The following ARHGEF10L variants were observed in gnomAD, a reference collection of about 807,000 sequenced individuals.
ARHGEF10L encodes the protein Rho guanine nucleotide exchange factor 10 like.
ARHGEF10L carries 69 observed loss-of-function variants against 141.2 expected under a neutral mutation model. The observed-to-expected ratio is 0.49, with a 90% confidence interval of 0.40 to 0.60. The LOEUF is 0.60. Ranked by LOEUF, ARHGEF10L falls within the 20% of genes least tolerant of loss-of-function variation. The pLI is 0.00. For synonymous variants in ARHGEF10L, 711 were observed against 718.5 expected (o/e 0.99, Z 0.17); for missense variants, 1,482 against 1,734.3 (o/e 0.85, Z 2.58).
At chr1:17,592,149 C>T (rs186219147) in intron 4 of ARHGEF10L, among the ~76,000 whole-genome samples, 83 of 152,302 alleles carry the variant, frequency 5.4e-4, no homozygotes, top group South Asian at 8.3e-4. Context: ...GCCTGGGAAA[C>T]GTGAGCGCCA....
intron 26 of ARHGEF10L, among the ~76,000 whole-genome samples, chr1:17,676,581 CTGGGGACGCTTTCTGGG>C (rs1219266408): frequency 6.6e-6 from 1 of 151,996 alleles, no homozygotes; most frequent in African/African-American, 2.4e-5. Flanking sequence ...CAGCCAGTGC[CTGGGGACGCTTTCTGGG>C]CCTCATGCTG....
chr1:17,546,466 G>A (rs562930442), intron 1 of ARHGEF10L, among the ~76,000 whole-genome samples: 16 of 152,190 alleles, frequency 1.1e-4, no homozygotes, highest in African/African-American at 3.6e-4. Flanking sequence ...CTGCAAGTAC[G>A]TCCTATTTTC....
chr1:17,691,519 A>G (rs552346476), intron 27 of ARHGEF10L, among the ~76,000 whole-genome samples: 15 of 152,224 alleles, frequency 9.9e-5, no homozygotes, highest in African/African-American at 3.6e-4. Flanking sequence ...TGTGGAATGA[A>G]AAATTCACCA....
chr1:17,636,713 A>G (rs2061023840), intron 18 of ARHGEF10L, among the ~76,000 whole-genome samples: 2 of 152,118 alleles, frequency 1.3e-5, no homozygotes, highest in African/African-American at 4.8e-5. Flanking sequence ...GCCATAGTCC[A>G]TGGAAGCCTT....
rs114333642 is a variant in ARHGEF10L, at chr1:17,632,461, C to T, written c.1725C>T (p.Asn575=). ...LNDMLVCANI[N]FKPANHRGQL... is the part of the protein sequence containing the mutation. Reference sequence around the variant, plus strand: ...ACATGCTTGTCTGTGCCAACATCAACTTCAAGTAAGTGGGCCTGGGTTGGA... The same window carrying T: ...ACATGCTTGTCTGTGCCAACATCAATTTCAAGTAAGTGGGCCTGGGTTGGA... Residue 575 remains asparagine, a synonymous_variant, in exon 16 of 29, where the codon AAC becomes AAT. Coordinates refer to ENST00000361221, the MANE Select transcript of ARHGEF10L (RefSeq NM_018125.4). 8.7e-6 allele frequency: 14 copies of T among 1,614,170 alleles called. No homozygotes were observed. The East Asian group carries it at 2.9e-4, about 33-fold the overall frequency.
chr1:17,669,363 G>T (rs2063178415), intron 26 of ARHGEF10L, among the ~76,000 whole-genome samples: 1 of 152,182 alleles, frequency 6.6e-6, no homozygotes, highest in South Asian at 2.1e-4. Flanking sequence ...TATACTGAGC[G>T]ATTCCTTTGG....
intron 18 of ARHGEF10L, among the ~76,000 whole-genome samples, chr1:17,637,147 C>A (rs2061050228): frequency 6.6e-6 from 1 of 152,238 alleles, no homozygotes; most frequent in African/African-American, 2.4e-5. Context: ...AATGAGGACC[C>A]TGTCTGTCTT....
At chr1:17,629,590 G>A (rs1257581901) in intron 15 of ARHGEF10L, among the ~76,000 whole-genome samples, 1 of 152,178 alleles carries the variant, frequency 6.6e-6, no homozygotes, top group African/African-American at 2.4e-5. Flanking sequence ...TGGGGAAGAC[G>A]AGATGGGGAG....
intron 1 of ARHGEF10L, among the ~76,000 whole-genome samples, chr1:17,546,114 CAG>C (rs1214835991): frequency 6.6e-6 from 1 of 152,210 alleles, no homozygotes; most frequent in Non-Finnish European, 1.5e-5. Context: ...CCTCACCTGT[CAG>C]GGGCCTTGTG....
chr1:17,542,836 A>G (rs1206847924), intron 1 of ARHGEF10L, among the ~76,000 whole-genome samples: 1 of 152,176 alleles, frequency 6.6e-6, no homozygotes, highest in Non-Finnish European at 1.5e-5. Context: ...CGAAGGCGCC[A>G]GCACTCAGCC....
In ARHGEF10L at chr1:17,573,701, C is replaced by G. The variant is rs543318040; in HGVS notation, c.-43-6852C>G. On this transcript the variant is annotated intron_variant, in intron 1 of 28. Transcript: ENST00000361221. This position sits in a 1 kb window ranked among gnomAD's most constrained non-coding sequence, Gnocchi z 4.8. The stretch of plus-strand genomic sequence containing the variant: ...GCTCTGGTTTCCCAGGCAACAGCCC[C>G]CAGGGGTCCCCTCTGGCCTGGCCTC... Among the ~76,000 whole-genome samples the G allele has an allele frequency of 1.8e-3, 268 of 152,126 alleles. 1 individual carries two copies. Among genetic ancestry groups the G allele is most frequent in the Non-Finnish European group, 3.1e-3 (208 of 67,964 alleles).
the ARHGEF10L span, among the ~76,000 whole-genome samples, chr1:17,523,917 T>G: frequency 6.6e-6 from 1 of 152,152 alleles, no homozygotes; most frequent in African/African-American, 2.4e-5. Context: ...GAGAGATAAT[T>G]GCCCAAGCCA....
At chr1:17,580,481 A>T in intron 1 of ARHGEF10L, 72 bp from the exon 2 acceptor site, 2 of 1,368,816 alleles carry the variant, frequency 1.5e-6, no homozygotes, top group Non-Finnish European at 1.0e-6. Context: ...GTTGTGAGCC[A>T]GTGACTTGTC....
chr1:17,545,497 A>C (rs534124789), intron 1 of ARHGEF10L, among the ~76,000 whole-genome samples: 1 of 152,308 alleles, frequency 6.6e-6, no homozygotes, highest in East Asian at 1.9e-4. Context: ...AGGAAATGGG[A>C]CAAGGAGGAA....
At chr1:17,516,231 C>T in the ARHGEF10L span, among the ~76,000 whole-genome samples, 69 of 152,320 alleles carry the variant, frequency 4.5e-4, 2 homozygotes, top group Admixed American at 1.2e-3. Flanking sequence ...TTGGAGTGAC[C>T]GACAGTTTGG....
the ARHGEF10L span, among the ~76,000 whole-genome samples, chr1:17,525,584 A>G: frequency 6.6e-6 from 1 of 152,180 alleles, no homozygotes; most frequent in African/African-American, 2.4e-5. Context: ...GCCTGAGTCC[A>G]GAAGTTCAAG....
chr1:17,562,379 T>C (rs2077577330), intron 1 of ARHGEF10L, among the ~76,000 whole-genome samples: 2 of 152,072 alleles, frequency 1.3e-5, no homozygotes, highest in African/African-American at 2.4e-5. Context: ...ATAGTGCCAC[T>C]GCACTCCAGC....
In ARHGEF10L at chr1:17,565,614, C is replaced by T. The variant is rs188413844; in HGVS notation, c.-43-14939C>T. On this transcript the variant is annotated intron_variant, in intron 1 of 28. Coordinates refer to ENST00000361221, the MANE Select transcript of ARHGEF10L (RefSeq NM_018125.4). ...TTCAGTTCTCCTTCCCCTTCTGGACCGCCAGTGGCTGTGTCTTTCTCACCA... is the reference window on the plus strand; with the variant it reads ...TTCAGTTCTCCTTCCCCTTCTGGACTGCCAGTGGCTGTGTCTTTCTCACCA... Among the ~76,000 whole-genome samples, 350 of 152,268 alleles carry T rather than the reference C, an allele frequency of 2.3e-3. 2 individuals are homozygous for T. Among genetic ancestry groups the T allele is most frequent in the African/African-American group, 7.7e-3 (321 of 41,538 alleles).
chr1:17,674,130 G>A (rs2063494971), intron 26 of ARHGEF10L, among the ~76,000 whole-genome samples: 1 of 152,164 alleles, frequency 6.6e-6, no homozygotes, highest in African/African-American at 2.4e-5. Flanking sequence ...GCAAGTACAG[G>A]CATTGACTTG....
Sources: allele counts gnomAD v4.1 joint callset (sites outside exome capture counted in the v4.1 genomes callset), GRCh38; gene constraint gnomAD v4.1.1; non-coding constraint Gnocchi (gnomAD v3.1); transcripts MANE v1.5; gene names NCBI Gene and HGNC (gene_info 2026-07-23, HGNC 2026-07-21).